The following PRKAR1B variants were observed in gnomAD, a reference collection of about 807,000 sequenced individuals.
The protein encoded by PRKAR1B is cAMP-dependent protein kinase type I-beta regulatory subunit.
In PRKAR1B, 22 loss-of-function variants were observed where a neutral mutation model predicts 46.5. The ratio of observed to expected loss-of-function variants is 0.47; its 90% CI spans 0.34 to 0.68. The LOEUF is 0.68. Ranked by LOEUF, PRKAR1B falls within the 30% of genes least tolerant of loss-of-function variation. The probability of loss-of-function intolerance (pLI) is 0.01; values close to 1 mark genes in which losing one functional copy is unlikely to be tolerated. For synonymous variants in PRKAR1B, 259 were observed against 217.7 expected (o/e 1.19, Z -1.67); for missense variants, 445 against 535.6 (o/e 0.83, Z 1.67).
At chr7:721,577 G>A (rs2128535160) in intron 1 of PRKAR1B, among the ~76,000 whole-genome samples, 1 of 152,214 alleles carries the variant, frequency 6.6e-6, no homozygotes, top group Admixed American at 6.5e-5. Context: ...GAACCTGGGA[G>A]GCAGAGGTTG....
In PRKAR1B at chr7:680,486, C is replaced by T. The variant is rs1464442360; in HGVS notation, c.348+70G>A. 3.4e-6 allele frequency: 5 copies of T among 1,460,416 alleles called. No individual in the cohort carries two copies. In the African/African-American group the frequency reaches 7.1e-5, roughly 21 times the overall value. 90.5% of individuals were successfully genotyped at this position (1,460,416 alleles called of 1,614,324 possible). On this transcript the variant is annotated intron_variant, in intron 3 of 10. Coordinates refer to ENST00000537384, the MANE Select transcript of PRKAR1B (RefSeq NM_001164760.2). Reference sequence around the variant, plus strand: ...AGGATGAGGGTGCCCCGTGGGCTTCCAGGGAGCTCACAGGTGACAGCCACG... The same window carrying T: ...AGGATGAGGGTGCCCCGTGGGCTTCTAGGGAGCTCACAGGTGACAGCCACG...
intron 8 of PRKAR1B, among the ~76,000 whole-genome samples, chr7:583,668 CCA>C (rs967312131): frequency 1.5e-4 from 20 of 133,434 alleles, no homozygotes; most frequent in African/African-American, 3.1e-4. Context: ...GCGCACACAC[CCA>C]CACACAACCC....
At chr7:632,263 G>C (rs962425829) in intron 4 of PRKAR1B, among the ~76,000 whole-genome samples, 1 of 152,104 alleles carries the variant, frequency 6.6e-6, no homozygotes, top group African/African-American at 2.4e-5. Context: ...CCAGCAGCTC[G>C]GCCCCTGCAG....
chr7:643,867 G>T (rs575997377), intron 4 of PRKAR1B, among the ~76,000 whole-genome samples: 1 of 152,286 alleles, frequency 6.6e-6, no homozygotes, highest in East Asian at 1.9e-4. Context: ...GGTTCAGGGT[G>T]CCCAGTGGCA....
chr7:604,062 G>T (rs1010505492), intron 6 of PRKAR1B, among the ~76,000 whole-genome samples: 3 of 152,192 alleles, frequency 2.0e-5, no homozygotes, highest in African/African-American at 4.8e-5. Flanking sequence ...GGCTGCCAGG[G>T]TCTCTCTGGG....
intron 8 of PRKAR1B, among the ~76,000 whole-genome samples, chr7:582,219 T>A (rs1780226945): frequency 6.6e-6 from 1 of 152,380 alleles, no homozygotes; most frequent in East Asian, 1.9e-4. Context: ...GCAGCTCCCA[T>A]GTGGGCCATG....
At position 635,944 on chromosome 7, in the gene PRKAR1B, A is replaced by ATCCTCCACCAGCCGCGCCCTCACG. The variant is rs1784032353; in HGVS notation, c.441-28493_441-28492insCGTGAGGGCGCGGCTGGTGGAGGA. ...AAAAGTACCAGCACCGCGCCCACAC[A>ATCCTCCACCAGCCGCGCCCTCACG]TCCTCCACCGGCCGCGCCCTCACGT... On this transcript the variant is annotated intron_variant, in intron 4 of 10. Coordinates refer to ENST00000537384, the MANE Select transcript of PRKAR1B (RefSeq NM_001164760.2). 2.2e-4 allele frequency among the ~76,000 whole-genome samples: 24 copies of ATCCTCCACCAGCCGCGCCCTCACG among 109,322 alleles called. 4 individuals are homozygous for ATCCTCCACCAGCCGCGCCCTCACG. The highest frequency in any genetic ancestry group is 1.0e-3 in the South Asian group (3 of 2,986). The allele number at this position is 109,322 out of a possible 152,430, so 71.7% of individuals were successfully genotyped here.
At chr7:694,054 G>A (rs539724076) in intron 2 of PRKAR1B, among the ~76,000 whole-genome samples, 3 of 152,324 alleles carry the variant, frequency 2.0e-5, no homozygotes, top group South Asian at 4.1e-4. Context: ...GGAGGCCGAG[G>A]TGGGCAGATC....
At chr7:710,097 G>A (rs1328796926) in intron 2 of PRKAR1B, among the ~76,000 whole-genome samples, 2 of 152,156 alleles carry the variant, frequency 1.3e-5, no homozygotes, top group Non-Finnish European at 2.9e-5. Flanking sequence ...GCTTCCAAGG[G>A]AAGAGTTATA....
chr7:593,691 G>A lies in PRKAR1B; in HGVS notation c.708+2455C>T, dbSNP rs372688179. 2.6e-5 allele frequency among the ~76,000 whole-genome samples: 4 copies of A among 152,158 alleles called. No homozygotes were observed. The highest frequency in any genetic ancestry group is 4.4e-5 in the Non-Finnish European group (3 of 68,034). On this transcript the variant is annotated intron_variant, in intron 7 of 10. Coordinates refer to ENST00000537384, the MANE Select transcript of PRKAR1B (RefSeq NM_001164760.2). The surrounding 1 kb of genome is among the most constrained non-coding windows in gnomAD (Gnocchi z 6.1). ...TCTCAGGGGACCCCTCCCACGCGGC[G>A]ACAGAGGCCTCCCAGTGAAGGCAGG...
intron 4 of PRKAR1B, among the ~76,000 whole-genome samples, chr7:629,485 C>T (rs1427951005): frequency 7.8e-6 from 1 of 128,802 alleles, no homozygotes; most frequent in Admixed American, 7.5e-5. Context: ...GAAAACGCTG[C>T]AGGAGCGGGG....
rs150067835 is a variant in PRKAR1B, at chr7:559,173, G to C, written c.892-7703C>G. 2.9e-3 allele frequency among the ~76,000 whole-genome samples: 436 copies of C among 152,364 alleles called. 3 individuals are homozygous for C. The highest frequency in any genetic ancestry group is 0.01 in the African/African-American group (420 of 41,594). On this transcript the variant is annotated intron_variant, in intron 9 of 10. Coordinates refer to ENST00000537384, the MANE Select transcript of PRKAR1B (RefSeq NM_001164760.2). ...CCGGACCAGGACTCGGCACCCAGAG[G>C]GGAGGCAGACACAACCCACAAGGCC...
intron 4 of PRKAR1B, among the ~76,000 whole-genome samples, chr7:636,352 G>A (rs1254374903): frequency 4.2e-5 from 1 of 23,720 alleles, no homozygotes; most frequent in African/African-American, 2.0e-4. Context: ...GCGCCCACAC[G>A]TCCTCCACCG....
chr7:550,603 C>G lies in PRKAR1B; in HGVS notation c.974-1G>C. On this transcript the variant is annotated splice_acceptor_variant, in intron 10 of 10. Coordinates refer to ENST00000537384, the MANE Select transcript of PRKAR1B (RefSeq NM_001164760.2). LOFTEE classifies it high-confidence loss of function. ...CGGTTCAGCAGCAGTGCAATCTCCC[C>G]TGGGGGTTGAAGAGAGAGGTCAGGG... The G allele has an allele frequency of 6.4e-7, 1 of 1,560,646 alleles. No homozygotes were observed. Among genetic ancestry groups the G allele is most frequent in the Non-Finnish European group, 8.6e-7 (1 of 1,157,490 alleles).
chr7:691,021 G>A (rs1290624104), intron 2 of PRKAR1B, among the ~76,000 whole-genome samples: 1 of 149,038 alleles, frequency 6.7e-6, no homozygotes, highest in Non-Finnish European at 1.5e-5. Flanking sequence ...ACCCACACTG[G>A]CCAGTCCGCT....
chr7:627,478 G>A lies in PRKAR1B; in HGVS notation c.441-20026C>T, dbSNP rs566172477. On this transcript the variant is annotated intron_variant, in intron 4 of 10. Transcript: ENST00000537384. The stretch of plus-strand genomic sequence containing the variant: ...ATGACTCCCCCACGCCTGAGGGTTT[G>A]CAAAGGGCAGAGCCAGGTGCGGACC... Among the ~76,000 whole-genome samples, 17 of 152,356 alleles carry A rather than the reference G, an allele frequency of 1.1e-4. No individual in the cohort carries two copies. In the South Asian group the frequency reaches 2.9e-3, roughly 26 times the overall value.
chr7:551,964 G>A (rs1238607708), intron 9 of PRKAR1B, among the ~76,000 whole-genome samples: 2 of 77,920 alleles, frequency 2.6e-5, no homozygotes, highest in African/African-American at 5.4e-5. Context: ...TCCTTCCCTC[G>A]GCGCCACTGC....
intron 4 of PRKAR1B, among the ~76,000 whole-genome samples, chr7:630,689 G>C (rs1025236034): frequency 2.0e-5 from 3 of 152,202 alleles, no homozygotes; most frequent in Middle Eastern, 3.2e-3. Flanking sequence ...ACGCCCAGGG[G>C]ATGTGCCATA....
chr7:623,872 G>T (rs1285860619), intron 4 of PRKAR1B, among the ~76,000 whole-genome samples: 3 of 152,212 alleles, frequency 2.0e-5, no homozygotes, highest in African/African-American at 7.2e-5. Context: ...ATGAACCTAT[G>T]GAGTCCCAGA....
Sources: allele counts gnomAD v4.1 joint callset (sites outside exome capture counted in the v4.1 genomes callset), GRCh38; gene constraint gnomAD v4.1.1; non-coding constraint Gnocchi (gnomAD v3.1); transcripts MANE v1.5; gene names NCBI Gene and HGNC (gene_info 2026-07-23, HGNC 2026-07-21).